Variants in RSBN1L observed in about 807,000 individuals in gnomAD.
RSBN1L encodes lysine-specific demethylase RSBN1L.
In RSBN1L, 30 loss-of-function variants were observed where a neutral mutation model predicts 67.7. The observed-to-expected ratio is 0.44, with a 90% confidence interval of 0.33 to 0.60. The LOEUF (loss-of-function observed/expected upper bound fraction) is 0.60. Among genes scored for constraint, RSBN1L ranks in the 20% least tolerant of loss-of-function variants. The pLI, the probability that RSBN1L is intolerant of heterozygous loss-of-function variation, is 0.02. For synonymous variants in RSBN1L, 433 were observed against 387.0 expected (o/e 1.12, Z -1.39); for missense variants, 992 against 1,031.7 (o/e 0.96, Z 0.53).
At chr7:77,772,070 T>C (rs932907919) in intron 5 of RSBN1L, among the ~76,000 whole-genome samples, 7 of 152,158 alleles carry the variant, frequency 4.6e-5, no homozygotes, top group African/African-American at 1.7e-4. Flanking sequence ...ATGTGGTATT[T>C]ATGCAGCTAA....
Position 77,749,844 on chromosome 7 carries a change from T to G in RSBN1L, c.1124T>G (p.Met375Arg), listed in dbSNP as rs755985447. Residue 375 changes from methionine to arginine, a missense_variant, in exon 3 of 8, where the codon ATG becomes AGG. Transcript: ENST00000334955. ...YSNELSHLSP[M>R]EMERFAEEFV... ...AACGAACTCTCCCACCTGTCTCCTA[T>G]GGAGATGGAGAGGTTTGCAGAAGAG... 9.3e-6 allele frequency: 15 copies of G among 1,613,884 alleles called. No homozygotes were observed. The South Asian group carries it at 9.9e-5, about 11-fold the overall frequency.
At chr7:77,704,943 C>T (rs1790867319) in intron 1 of RSBN1L, among the ~76,000 whole-genome samples, 1 of 151,658 alleles carries the variant, frequency 6.6e-6, no homozygotes, top group African/African-American at 2.4e-5. Flanking sequence ...TTGCACTTGA[C>T]CCTGGGCGAC....
chr7:77,722,855 A>G (rs1791137755), intron 1 of RSBN1L, among the ~76,000 whole-genome samples: 1 of 151,956 alleles, frequency 6.6e-6, no homozygotes, highest in Non-Finnish European at 1.5e-5. Context: ...CTCATGGCTC[A>G]TATTCAGGGC....
intron 3 of RSBN1L, among the ~76,000 whole-genome samples, chr7:77,756,719 A>G (rs1215508771): frequency 6.6e-6 from 1 of 152,190 alleles, no homozygotes; most frequent in Non-Finnish European, 1.5e-5. Flanking sequence ...CGGAGGGTGC[A>G]GTGAGCCGAG....
intron 1 of RSBN1L, among the ~76,000 whole-genome samples, chr7:77,732,126 T>C (rs1791279385): frequency 1.3e-5 from 2 of 152,208 alleles, no homozygotes; most frequent in South Asian, 2.1e-4. Flanking sequence ...CTGAGAATTA[T>C]GATGAGAAGA....
At chr7:77,737,436 T>C (rs1160538197) in intron 2 of RSBN1L, among the ~76,000 whole-genome samples, 1 of 152,224 alleles carries the variant, frequency 6.6e-6, no homozygotes, top group African/African-American at 2.4e-5. Flanking sequence ...TTATCTAAGA[T>C]AAAGAGTATT....
At chr7:77,774,031 C>T (rs574422781) in intron 6 of RSBN1L, among the ~76,000 whole-genome samples, 17 of 152,224 alleles carry the variant, frequency 1.1e-4, no homozygotes, top group South Asian at 4.1e-4. Context: ...AATGGTAGAG[C>T]TGAGACTGAT....
chr7:77,753,641 T>C (rs1417738314), intron 3 of RSBN1L, among the ~76,000 whole-genome samples: 1 of 152,240 alleles, frequency 6.6e-6, no homozygotes, highest in Non-Finnish European at 1.5e-5. Flanking sequence ...ATAATCCATT[T>C]ATGATAACTG....
At chr7:77,738,698 A>C (rs1791367531) in intron 2 of RSBN1L, among the ~76,000 whole-genome samples, 1 of 152,222 alleles carries the variant, frequency 6.6e-6, no homozygotes, top group South Asian at 2.1e-4. Context: ...CTGTAATCCC[A>C]GCATTTTGGG....
At chr7:77,701,587 T>C (rs751380256) in intron 1 of RSBN1L, among the ~76,000 whole-genome samples, 30 of 151,990 alleles carry the variant, frequency 2.0e-4, no homozygotes, top group Non-Finnish European at 4.3e-4. Flanking sequence ...TTATAATTTA[T>C]ATATTTTTTT....
At chr7:77,714,412 A>G (rs1791018723) in intron 1 of RSBN1L, among the ~76,000 whole-genome samples, 1 of 152,134 alleles carries the variant, frequency 6.6e-6, no homozygotes, top group African/African-American at 2.4e-5. Context: ...TTTCTGTCTC[A>G]GTAGTTTTGC....
intron 1 of RSBN1L, among the ~76,000 whole-genome samples, chr7:77,715,042 T>G (rs1031600763): frequency 6.6e-6 from 1 of 151,102 alleles, no homozygotes; most frequent in East Asian, 1.9e-4. Context: ...TAGGCTGATA[T>G]GGGCAGGTCA....
At chr7:77,760,885 C>G (rs574856326) in intron 3 of RSBN1L, among the ~76,000 whole-genome samples, 3 of 152,376 alleles carry the variant, frequency 2.0e-5, no homozygotes, top group African/African-American at 7.2e-5. Flanking sequence ...ATCCTCCCGC[C>G]TTGGCCTCCC....
At chr7:77,768,589 A>G in intron 4 of RSBN1L, 72 bp from the exon 5 acceptor site, 2 of 1,332,010 alleles carry the variant, frequency 1.5e-6, no homozygotes, top group South Asian at 1.2e-5. Flanking sequence ...CAGGGGAACA[A>G]TATTATTATT....
At chr7:77,712,574 T>C (rs1790990022) in intron 1 of RSBN1L, among the ~76,000 whole-genome samples, 1 of 152,190 alleles carries the variant, frequency 6.6e-6, no homozygotes, top group Non-Finnish European at 1.5e-5. Context: ...CCACTGTGCC[T>C]GGCCACATAT....
intron 6 of RSBN1L, among the ~76,000 whole-genome samples, chr7:77,774,423 A>G (rs1584306159): frequency 6.6e-6 from 1 of 151,838 alleles, no homozygotes; most frequent in Non-Finnish European, 1.5e-5. Flanking sequence ...CCTCATCTCT[A>G]TTAAAAATAC....
chr7:77,754,041 A>G (rs1791587540), intron 3 of RSBN1L, among the ~76,000 whole-genome samples: 1 of 152,000 alleles, frequency 6.6e-6, no homozygotes, highest in South Asian at 2.1e-4. Context: ...AACTCTTTCT[A>G]TTGATTGATT....
chr7:77,774,935 C>T (rs1173749067), intron 6 of RSBN1L, among the ~76,000 whole-genome samples: 1 of 151,850 alleles, frequency 6.6e-6, no homozygotes, highest in Admixed American at 6.6e-5. Context: ...TGTCATGGCT[C>T]ACAGCAGCCT....
chr7:77,720,597 A>G (rs897660273), intron 1 of RSBN1L, among the ~76,000 whole-genome samples: 1 of 152,182 alleles, frequency 6.6e-6, no homozygotes, highest in Non-Finnish European at 1.5e-5. Flanking sequence ...TTATCTATAC[A>G]GATGAGATTA....
Sources: gnomAD v4.1 joint callset for allele counts (sites outside exome capture counted in the v4.1 genomes callset) on GRCh38, gnomAD v4.1.1 for gene constraint, MANE v1.5 for transcripts, NCBI Gene and HGNC (gene_info 2026-07-23, HGNC 2026-07-21) for gene names.